Variants in PTPRT observed in about 807,000 individuals in gnomAD.
PTPRT encodes the protein protein tyrosine phosphatase receptor type T.
Under a neutral mutation model 176.8 loss-of-function variants are expected in PTPRT, and 56 were observed. The ratio of observed to expected loss-of-function variants is 0.32; its 90% confidence interval spans 0.26 to 0.40. PTPRT has a LOEUF of 0.40. PTPRT is among the 10% of genes least tolerant of loss of function. PTPRT has a pLI of 1.00. For synonymous variants in PTPRT, 783 were observed against 739.0 expected, an observed-to-expected ratio of 1.06 and a Z score of -0.96; for missense variants, 1,540 against 1,908.2, an observed-to-expected ratio of 0.81 and a Z score of 3.60.
intron 7 of PTPRT, among the ~76,000 whole-genome samples, chr20:42,487,990 A>G (rs755403241): frequency 9.2e-5 from 14 of 152,148 alleles, no homozygotes; most frequent in Non-Finnish European, 1.6e-4. Context: ...ATTTTTAATT[A>G]TGTAGATTGG....
chr20:42,092,320 C>A (rs1044992019), intron 27 of PTPRT, among the ~76,000 whole-genome samples: 1 of 152,190 alleles, frequency 6.6e-6, no homozygotes, highest in African/African-American at 2.4e-5. Flanking sequence ...GAAGACAACC[C>A]CCTCAGAATT....
intron 16 of PTPRT, among the ~76,000 whole-genome samples, chr20:42,189,973 T>C (rs1276325941): frequency 2.6e-5 from 4 of 152,212 alleles, no homozygotes; most frequent in Admixed American, 6.5e-5. Context: ...TAAATTTCCA[T>C]TTTGTAACTG....
At chr20:42,237,393 C>A (rs1459009719) in intron 14 of PTPRT, among the ~76,000 whole-genome samples, 1 of 152,140 alleles carries the variant, frequency 6.6e-6, no homozygotes, top group Non-Finnish European at 1.5e-5. Context: ...CTGCATCTGT[C>A]CCTTAGGTCC....
chr20:42,815,388 T>C (rs960615657), intron 2 of PTPRT, among the ~76,000 whole-genome samples: 1 of 152,218 alleles, frequency 6.6e-6, no homozygotes, highest in East Asian at 1.9e-4. Context: ...GCTAAAGGGA[T>C]TGCCAACACC....
chr20:42,844,291 G>A (rs970605697), intron 2 of PTPRT, among the ~76,000 whole-genome samples: 2 of 152,124 alleles, frequency 1.3e-5, no homozygotes, highest in South Asian at 2.1e-4. Context: ...AACATACCCC[G>A]GGTTCAGGGA....
At chr20:42,894,102 C>T (rs1039742393) in intron 1 of PTPRT, among the ~76,000 whole-genome samples, 12 of 151,678 alleles carry the variant, frequency 7.9e-5, no homozygotes, top group Admixed American at 7.9e-4. Context: ...GATTCTGAAT[C>T]CGAGAAAGAA....
At position 42,161,543 on chromosome 20, in the gene PTPRT, C is replaced by G. The variant is rs1989598814; in HGVS notation, c.2492-1G>C. The G allele has an allele frequency of 6.2e-7, 1 of 1,601,516 alleles. No homozygotes were observed. Among genetic ancestry groups the G allele is most frequent in the African/African-American group, 1.3e-5 (1 of 74,832 alleles). On this transcript the variant is annotated splice_acceptor_variant, in intron 16 of 30. Transcript: ENST00000373187. LOFTEE classifies it high-confidence loss of function. Reference sequence around the variant, plus strand: ...GAAAGCTCCCCGCGGCTGCCATCTGCTTCGAAAAGAAGGAGGCAGAACAGA... The same window carrying G: ...GAAAGCTCCCCGCGGCTGCCATCTGGTTCGAAAAGAAGGAGGCAGAACAGA...
intron 2 of PTPRT, among the ~76,000 whole-genome samples, chr20:42,876,120 T>C (rs2078925871): frequency 6.6e-6 from 1 of 152,136 alleles, no homozygotes; most frequent in African/African-American, 2.4e-5. Flanking sequence ...TTAGGCTAAC[T>C]GTAATCAGGG....
intron 16 of PTPRT, among the ~76,000 whole-genome samples, chr20:42,188,795 A>T (rs1990880574): frequency 6.6e-6 from 1 of 152,190 alleles, no homozygotes; most frequent in Non-Finnish European, 1.5e-5. Flanking sequence ...TCTTCTCAAG[A>T]TGTAGTGGCC....
intron 22 of PTPRT, among the ~76,000 whole-genome samples, chr20:42,114,284 G>C (rs899344302): frequency 1.3e-5 from 2 of 152,186 alleles, no homozygotes; most frequent in Non-Finnish European, 2.9e-5. Context: ...TTCTTCATAT[G>C]TAAAATGGGG....
intron 7 of PTPRT, among the ~76,000 whole-genome samples, chr20:42,648,790 G>A (rs1339113377): frequency 6.9e-6 from 1 of 145,550 alleles, no homozygotes; most frequent in Non-Finnish European, 1.5e-5. Flanking sequence ...AATTTCTAAA[G>A]GAAAGGGGAT....
chr20:42,340,122 C>T (rs6016751), intron 11 of PTPRT, among the ~76,000 whole-genome samples: 146,984 of 152,304 alleles, frequency 0.97, 70,969 homozygotes, highest in East Asian at 1. Context: ...TACTTGTGGC[C>T]ATTGGGTACT....
intron 7 of PTPRT, among the ~76,000 whole-genome samples, chr20:42,577,403 G>C (rs1032504647): frequency 1.4e-4 from 21 of 152,170 alleles, no homozygotes; most frequent in African/African-American, 3.6e-4. Flanking sequence ...TGTGCTGCAG[G>C]CTCTTCCAAG....
intron 15 of PTPRT, among the ~76,000 whole-genome samples, chr20:42,212,442 C>T (rs1165753774): frequency 7.4e-5 from 9 of 121,558 alleles, no homozygotes; most frequent in African/African-American, 2.5e-4. Context: ...AAAAAAGAAT[C>T]AATAGTGTAA....
chr20:42,847,711 C>A (rs1275663099), intron 2 of PTPRT, among the ~76,000 whole-genome samples: 2 of 152,300 alleles, frequency 1.3e-5, no homozygotes, highest in East Asian at 3.9e-4. Flanking sequence ...GGGAAGGCCA[C>A]CCACAGGTGA....
At position 42,102,001 on chromosome 20, in the gene PTPRT, T is replaced by A. The variant is rs531820754; in HGVS notation, c.3714+123A>T. The A allele has an allele frequency of 4.3e-6, 5 of 1,173,732 alleles. No individual in the cohort carries two copies. The African/African-American group carries it at 7.7e-5, about 18-fold the overall frequency. The allele number at this position is 1,173,732 out of a possible 1,614,324, so 72.7% of individuals were successfully genotyped here. ...GGGGAACAAAGGTCCTTGGGACTAG[T>A]AGATCAGAAGCAGGGGGGGCTGGCT... On this transcript the variant is annotated intron_variant, in intron 26 of 30. Transcript: ENST00000373187.
intron 14 of PTPRT, among the ~76,000 whole-genome samples, chr20:42,247,065 C>T (rs897235901): frequency 4.6e-5 from 7 of 152,182 alleles, no homozygotes; most frequent in African/African-American, 1.7e-4. Context: ...TTGACCTTAA[C>T]CCTTTGAGGG....
At chr20:42,364,569 C>T (rs2058489237) in intron 9 of PTPRT, among the ~76,000 whole-genome samples, 1 of 152,014 alleles carries the variant, frequency 6.6e-6, no homozygotes, top group Non-Finnish European at 1.5e-5. Flanking sequence ...CTAACCTTTT[C>T]TCCAACCCTC....
intron 7 of PTPRT, among the ~76,000 whole-genome samples, chr20:42,583,269 T>C (rs906885130): frequency 3.3e-5 from 5 of 152,080 alleles, no homozygotes; most frequent in African/African-American, 1.2e-4. Context: ...GCATACTTGG[T>C]AGGAGAACTG....
Sources: allele counts gnomAD v4.1 joint callset (sites outside exome capture counted in the v4.1 genomes callset), GRCh38; gene constraint gnomAD v4.1.1; transcripts MANE v1.5; gene names NCBI Gene and HGNC (gene_info 2026-07-23, HGNC 2026-07-21).